The following NCAM1 variants were observed in gnomAD, a reference collection of about 807,000 sequenced individuals.
The protein encoded by NCAM1 is antigen recognized by monoclonal antibody 5.1H11.
In NCAM1, 14 loss-of-function variants were observed where a neutral mutation model predicts 109.8. That is an observed-to-expected ratio of 0.13 (90% CI 0.08 to 0.20). The LOEUF (loss-of-function observed/expected upper bound fraction) is 0.20, where lower values mean the gene tolerates loss of function less well. NCAM1 is among the 10% of genes least tolerant of loss of function. The pLI is 1.00. For synonymous variants in NCAM1, 418 were observed against 442.9 expected, an observed-to-expected ratio of 0.94 and a Z score of 0.70; for missense variants, 774 against 1,109.9, an observed-to-expected ratio of 0.70 and a Z score of 4.30.
intron 1 of NCAM1, among the ~76,000 whole-genome samples, chr11:113,043,572 G>T (rs1953153478): frequency 6.6e-6 from 1 of 152,146 alleles, no homozygotes; most frequent in African/African-American, 2.4e-5. Flanking sequence ...CCTGACCTAG[G>T]TGATCTGCCC....
chr11:113,092,825 G>T (rs1344575619), intron 1 of NCAM1, among the ~76,000 whole-genome samples: 1 of 152,146 alleles, frequency 6.6e-6, no homozygotes, highest in African/African-American at 2.4e-5. Flanking sequence ...TGTCACTAAA[G>T]AATACCTCTG....
chr11:113,275,164 T>C (rs1171366351), intron 19 of NCAM1, 103 bp from the exon 20 acceptor site: 5 of 1,463,100 alleles, frequency 3.4e-6, no homozygotes, highest in African/African-American at 2.8e-5. Context: ...GTGCTGTCAC[T>C]GGAGAACCCC....
chr11:113,006,388 T>G (rs1951894371), intron 1 of NCAM1, among the ~76,000 whole-genome samples: 1 of 152,192 alleles, frequency 6.6e-6, no homozygotes, highest in Admixed American at 6.5e-5. Flanking sequence ...CCTCAATACT[T>G]TCAGGTTGTT....
intron 14 of NCAM1, chr11:113,240,949 C>A (rs1298674008): frequency 4.5e-6 from 5 of 1,103,298 alleles, no homozygotes; most frequent in Admixed American, 1.7e-5. Context: ...TGGTGGAAAG[C>A]AGCGTCGGGT....
At chr11:113,223,662 A>G (rs1565510491) in intron 9 of NCAM1, among the ~76,000 whole-genome samples, 1 of 152,142 alleles carries the variant, frequency 6.6e-6, no homozygotes. Context: ...GTATTGTTCA[A>G]TTTCCAAGTT....
chr11:113,172,026 G>T (rs1302816971), intron 1 of NCAM1, among the ~76,000 whole-genome samples: 2 of 152,188 alleles, frequency 1.3e-5, no homozygotes, highest in Non-Finnish European at 2.9e-5. Context: ...AGAAGCCTGG[G>T]ACAGTTACCT....
At chr11:113,202,900 A>G (rs1555112157) in intron 2 of NCAM1, among the ~76,000 whole-genome samples, 1 of 152,200 alleles carries the variant, frequency 6.6e-6, no homozygotes, top group East Asian at 1.9e-4. Flanking sequence ...CTGTAGGTAA[A>G]TAGAATACTG....
chr11:113,214,112 G>A (rs184936930), intron 7 of NCAM1, among the ~76,000 whole-genome samples: 11 of 152,302 alleles, frequency 7.2e-5, no homozygotes, highest in East Asian at 3.9e-4. Flanking sequence ...GCGATCTTCC[G>A]CCATGTCCTG....
intron 1 of NCAM1, among the ~76,000 whole-genome samples, chr11:113,142,178 A>T (rs1400476889): frequency 6.6e-6 from 1 of 152,064 alleles, no homozygotes; most frequent in Non-Finnish European, 1.5e-5. Flanking sequence ...TTTGTTTCTC[A>T]TGGGGAGCCT....
intron 14 of NCAM1, among the ~76,000 whole-genome samples, chr11:113,236,843 G>T (rs1945182547): frequency 6.6e-6 from 1 of 152,220 alleles, no homozygotes; most frequent in Non-Finnish European, 1.5e-5. Context: ...AGCTGGAGGG[G>T]AATAGGAGGA....
intron 1 of NCAM1, among the ~76,000 whole-genome samples, chr11:113,125,668 G>A (rs1320096821): frequency 6.6e-6 from 1 of 152,204 alleles, no homozygotes; most frequent in African/African-American, 2.4e-5. Flanking sequence ...GCAGAGTGCA[G>A]GATGCCAGGT....
intron 1 of NCAM1, among the ~76,000 whole-genome samples, chr11:112,997,718 G>A (rs1209109342): frequency 1.3e-5 from 2 of 151,984 alleles, no homozygotes; most frequent in Non-Finnish European, 2.9e-5. Context: ...AATTATTTAG[G>A]GCTGCTGCTT....
At chr11:113,032,837 T>G (rs1205920300) in intron 1 of NCAM1, among the ~76,000 whole-genome samples, 3 of 152,194 alleles carry the variant, frequency 2.0e-5, no homozygotes, top group African/African-American at 7.2e-5. Flanking sequence ...TTTCTTATAC[T>G]TAGCTGGATA....
At chr11:113,113,884 T>C (rs561139235) in intron 1 of NCAM1, among the ~76,000 whole-genome samples, 8 of 152,294 alleles carry the variant, frequency 5.3e-5, no homozygotes, top group African/African-American at 1.9e-4. Context: ...TGGATGGAGA[T>C]CCAGGAAGAG....
At chr11:113,136,340 G>T (rs1336036414) in intron 1 of NCAM1, among the ~76,000 whole-genome samples, 1 of 152,174 alleles carries the variant, frequency 6.6e-6, no homozygotes, top group African/African-American at 2.4e-5. Context: ...AGTTATGGGA[G>T]GGGAAAAGGA....
At chr11:113,156,540 G>A (rs2136312455) in intron 1 of NCAM1, among the ~76,000 whole-genome samples, 1 of 152,298 alleles carries the variant, frequency 6.6e-6, no homozygotes, top group Middle Eastern at 3.4e-3. Context: ...TATTAAAGGG[G>A]TGGCATGAGA....
At chr11:113,245,532 G>A (rs945177073) in intron 14 of NCAM1, among the ~76,000 whole-genome samples, 3 of 152,206 alleles carry the variant, frequency 2.0e-5, no homozygotes, top group African/African-American at 7.2e-5. Context: ...CTGCTGTTTA[G>A]TGTCAACACA....
At chr11:112,985,071 A>G (rs1489007502) in intron 1 of NCAM1, among the ~76,000 whole-genome samples, 3 of 151,810 alleles carry the variant, frequency 2.0e-5, no homozygotes, top group African/African-American at 7.2e-5. Flanking sequence ...ATGGTGTAAG[A>G]TAAGTATCCA....
intron 1 of NCAM1, among the ~76,000 whole-genome samples, chr11:113,093,279 G>T (rs1392892986): frequency 1.3e-5 from 2 of 152,184 alleles, no homozygotes; most frequent in Admixed American, 1.3e-4. Flanking sequence ...TGGAAAATGG[G>T]TCACACAATC....
Sources: gnomAD v4.1 joint callset for allele counts (sites outside exome capture counted in the v4.1 genomes callset) on GRCh38, gnomAD v4.1.1 for gene constraint, MANE v1.5 for transcripts, NCBI Gene and HGNC (gene_info 2026-07-23, HGNC 2026-07-21) for gene names.